The following ERCC2 variants were observed in gnomAD, a reference collection of about 807,000 sequenced individuals.
ERCC2 encodes general transcription and DNA repair factor IIH helicase subunit XPD.
ERCC2 carries 90 observed loss-of-function variants against 99.4 expected under a neutral mutation model. That is an observed-to-expected ratio of 0.91 (90% CI 0.76 to 1.08). The LOEUF (loss-of-function observed/expected upper bound fraction) is 1.08, where lower values mean the gene tolerates loss of function less well. Among genes scored for constraint, ERCC2 ranks in the 50% least tolerant of loss-of-function variants. The pLI, the probability that ERCC2 is intolerant of heterozygous loss-of-function variation, is 0.00. For missense variants in ERCC2, 993 were observed against 1,038.1 expected (o/e 0.96, Z 0.60); for synonymous variants, 497 against 432.4 (o/e 1.15, Z -1.85).
chr19:45,350,259 C>CAA lies in ERCC2; in HGVS notation c.*1368_*1369dup, dbSNP rs61513187. The CAA allele has an allele frequency of 1.6e-3, 1,354 of 872,076 alleles. No individual in the cohort carries two copies. Among genetic ancestry groups the CAA allele is most frequent in the Non-Finnish European group, 1.8e-3 (1,032 of 584,882 alleles). The allele number at this position is 872,076 out of a possible 1,614,324, so 54.0% of individuals were successfully genotyped here. On this transcript the variant is annotated 3_prime_UTR_variant, in exon 23 of 23. Coordinates refer to ENST00000391945, the MANE Select transcript of ERCC2 (RefSeq NM_000400.4). ...CAACATACCAAGACCCCTGTCTCTA[C>CAA]AAAAAAAAAAAAAAAGGCGGGACTG...
Position 45,355,659 on chromosome 19 carries a change from G to A in ERCC2, c.1543+6C>T, listed in dbSNP as rs1568534734. On this transcript the variant is annotated splice_donor_region_variant and intron_variant, in intron 16 of 22. Coordinates refer to ENST00000391945, the MANE Select transcript of ERCC2 (RefSeq NM_000400.4). The stretch of plus-strand genomic sequence containing the variant: ...CCCACAGAAACCAGCCCCACTGGCA[G>A]CATACCAATATCCTCCCGGGTCTCA... The A allele has an allele frequency of 6.2e-7, 1 of 1,613,508 alleles. No individual in the cohort carries two copies.
At chr19:45,363,182 T>G (rs942868098) in intron 11 of ERCC2, among the ~76,000 whole-genome samples, 1 of 152,142 alleles carries the variant, frequency 6.6e-6, no homozygotes, top group East Asian at 1.9e-4. Flanking sequence ...GCCCTGTGCC[T>G]CAAGAGACTG....
Position 45,357,648 on chromosome 19 carries a change from T to C in ERCC2, c.1289A>G (p.Asn430Ser), listed in dbSNP as rs1215155157. ...GTCCCACCTGAAGTGCAGGATGGGG[T>C]TGGCAATGGTCGGGGTTCTGTCGTC... is the stretch of plus-strand genomic sequence containing the variant. ...PFDDRTPTIA[N>S]PILHFSCMDA... Residue 430 changes from asparagine (N) to serine (S), a missense_variant, in exon 13 of 23, where the codon AAC (asparagine) becomes AGC (serine). Coordinates refer to ENST00000391945, the MANE Select transcript of ERCC2 (RefSeq NM_000400.4). 2.5e-6 allele frequency: 4 copies of C among 1,613,812 alleles called. No homozygotes were observed. The highest frequency in any genetic ancestry group is 1.1e-5 in the South Asian group (1 of 91,088).
intron 19 of ERCC2, 97 bp downstream of exon 19, chr19:45,352,986 G>C (rs1971871626): frequency 7.3e-7 from 1 of 1,372,038 alleles, no homozygotes; most frequent in Non-Finnish European, 1.0e-6. Flanking sequence ...CCTAGGCTGG[G>C]GGTGGGTGGT....
rs756758783 is a variant in ERCC2, at chr19:45,364,406, C to G, written c.718+18G>C. On this transcript the variant is annotated intron_variant, in intron 8 of 22. Coordinates refer to ENST00000391945, the MANE Select transcript of ERCC2 (RefSeq NM_000400.4). ...TCAGAGGGGCTGGCATCCCTTTGGC[C>G]CCTGGCGCCCCCCTCACCAATGTTG... 6.2e-7 allele frequency: 1 copy of G among 1,613,854 alleles called. No homozygotes were observed. The highest frequency in any genetic ancestry group is 1.3e-5 in the African/African-American group (1 of 75,052).
Position 45,363,843 on chromosome 19 carries a change from C to T in ERCC2, c.1018G>A (p.Val340Met), listed in dbSNP as rs1421106193. 5.2e-6 allele frequency: 8 copies of T among 1,548,506 alleles called. No individual in the cohort carries two copies. The highest frequency in any genetic ancestry group is 2.4e-5 in the South Asian group (2 of 85,044). Reference sequence around the variant, plus strand: ...TGCTGCACACGCAGCCGCCACTTCACGTACTCCAGCAGCCGCCTCAGGAAG... The same window carrying T: ...TGCTGCACACGCAGCCGCCACTTCATGTACTCCAGCAGCCGCCTCAGGAAG... Reference protein sequence around the residue: ...LGFLRRLLEYVKWRLRVQHVV... With the variant: ...LGFLRRLLEYMKWRLRVQHVV... The change falls in exon 11 of 23, where the codon GTG becomes ATG. Residue 340 changes from valine (V) to methionine (M), a missense_variant. Around this residue, in one of 3 missense-constraint regions of ERCC2, gnomAD observed 909 missense variants for 930.8 expected, o/e 0.98. Transcript: ENST00000391945.
In ERCC2 at chr19:45,369,156, T is replaced by C. The variant is rs368534550; in HGVS notation, c.106-9A>G. 6.2e-7 allele frequency: 1 copy of C among 1,613,402 alleles called. No individual in the cohort carries two copies. Among genetic ancestry groups the C allele is most frequent in the African/African-American group, 1.3e-5 (1 of 74,910 alleles). On this transcript the variant is annotated splice_polypyrimidine_tract_variant and intron_variant, in intron 2 of 22. Coordinates refer to ENST00000391945, the MANE Select transcript of ERCC2 (RefSeq NM_000400.4). ...TCCAGGACTCCATGACCCTGCATGT[T>C]GGGGACCAGAGGGGCAACACACAGG...
intron 5 of ERCC2, 77 bp from the exon 6 acceptor site, chr19:45,365,235 C>T: frequency 9.1e-7 from 1 of 1,103,180 alleles, no homozygotes; most frequent in Admixed American, 1.7e-5. Flanking sequence ...TCCACACCTC[C>T]CAGCTGGCTG....
chr19:45,350,961 A>G lies in ERCC2; in HGVS notation c.*668T>C, dbSNP rs1316902290. The G allele has an allele frequency of 6.2e-7, 1 of 1,614,006 alleles. No homozygotes were observed. Among genetic ancestry groups the G allele is most frequent in the African/African-American group, 1.3e-5 (1 of 74,886 alleles). The stretch of plus-strand genomic sequence containing the variant: ...CTGCTGCCCTCTTTGCAGAATGAAG[A>G]GAGCCATGTCACTCAACACACTGAA... On this transcript the variant is annotated 3_prime_UTR_variant, in exon 23 of 23. Coordinates refer to ENST00000391945, the MANE Select transcript of ERCC2 (RefSeq NM_000400.4).
At chr19:45,365,504 G>C (rs529959613) in intron 5 of ERCC2, among the ~76,000 whole-genome samples, 1 of 152,182 alleles carries the variant, frequency 6.6e-6, no homozygotes. Flanking sequence ...CCAGTTACTC[G>C]GGAGGCTGAG....
chr19:45,356,320 G>C (rs1428557087), intron 15 of ERCC2, among the ~76,000 whole-genome samples: 1 of 152,242 alleles, frequency 6.6e-6, no homozygotes, highest in East Asian at 1.9e-4. Context: ...TTCAAGTTTG[G>C]CACAAACTCA....
chr19:45,352,964 C>T, intron 19 of ERCC2, 119 bp downstream of exon 19: 2 of 1,247,086 alleles, frequency 1.6e-6, no homozygotes. Flanking sequence ...GAGGGGAGGG[C>T]CCCTCTGTGC....
At position 45,350,467 on chromosome 19, in the gene ERCC2, T is replaced by A. The variant is rs1356776910; in HGVS notation, c.*1162A>T. On this transcript the variant is annotated 3_prime_UTR_variant, in exon 23 of 23. Coordinates refer to ENST00000391945, the MANE Select transcript of ERCC2 (RefSeq NM_000400.4). ...AGCCCCTGTCTGTCTTCCCTCCTGG[T>A]GGCTTCTCTATGTCCCCATCTCAGT... 1 of 1,613,108 alleles carries A rather than the reference T, an allele frequency of 6.2e-7. No homozygotes were observed. Among genetic ancestry groups the A allele is most frequent in the South Asian group, 1.1e-5 (1 of 91,008 alleles).
chr19:45,350,732 C>T lies in ERCC2; in HGVS notation c.*897G>A, dbSNP rs752348371. The T allele has an allele frequency of 1.4e-4, 218 of 1,612,064 alleles. No individual in the cohort carries two copies. Among genetic ancestry groups the T allele is most frequent in the Admixed American group, 2.7e-4 (16 of 59,678 alleles). On this transcript the variant is annotated 3_prime_UTR_variant, in exon 23 of 23. Coordinates refer to ENST00000391945, the MANE Select transcript of ERCC2 (RefSeq NM_000400.4). ...GTCTCCCGGCTCCGAGGCGAGGCGGCGGCAGGAGCAGCCGGGTGAGTGTTG... is the reference window on the plus strand; with the variant it reads ...GTCTCCCGGCTCCGAGGCGAGGCGGTGGCAGGAGCAGCCGGGTGAGTGTTG...
In ERCC2 at chr19:45,351,340, G is replaced by C. The variant is rs750562902; in HGVS notation, c.*289C>G. 3 of 1,611,590 alleles carry C rather than the reference G, an allele frequency of 1.9e-6. No homozygotes were observed. Among genetic ancestry groups the C allele is most frequent in the East Asian group, 2.2e-5 (1 of 44,884 alleles). On this transcript the variant is annotated 3_prime_UTR_variant, in exon 23 of 23. Coordinates refer to ENST00000391945, the MANE Select transcript of ERCC2 (RefSeq NM_000400.4). ...TCGGACCCTCAGCGCCAGCACCCAG[G>C]ACCTGAGCCCCCACTAACGTCCAGT...
intron 4 of ERCC2, 53 bp downstream of exon 4, chr19:45,368,877 A>G: frequency 6.2e-7 from 1 of 1,600,832 alleles, no homozygotes; most frequent in South Asian, 1.1e-5. Flanking sequence ...CAGGGGGACC[A>G]ATAGGGCCTA....
intron 12 of ERCC2, chr19:45,358,884 C>T (rs1478209606): frequency 1.3e-6 from 1 of 780,560 alleles, no homozygotes; most frequent in Non-Finnish European, 2.4e-6. Flanking sequence ...TTTTTTGGTT[C>T]CTGCTGCTTC....
chr19:45,350,085 G>C lies in ERCC2; in HGVS notation c.*1544C>G. ...CGAGCTCCAAACCCACTCTGCCCCA[G>C]GGCAAGGCTTTAGGCAGGGGAAGGA... On this transcript the variant is annotated 3_prime_UTR_variant, in exon 23 of 23. Transcript: ENST00000391945. The C allele has an allele frequency of 1.9e-6, 1 of 519,524 alleles. No individual in the cohort carries two copies. The highest frequency in any genetic ancestry group is 2.3e-5 in the South Asian group (1 of 43,552). 32.2% of individuals were successfully genotyped at this position (519,524 alleles called of 1,614,324 possible). A position where few individuals can be genotyped will look rare whatever the true frequency, so the allele number is the denominator to read the frequency against.
At chr19:45,367,147 A>G (rs1013140806) in intron 5 of ERCC2, among the ~76,000 whole-genome samples, 2 of 152,108 alleles carry the variant, frequency 1.3e-5, no homozygotes, top group Non-Finnish European at 2.9e-5. Context: ...GACCAGCCTA[A>G]CCAACATGGT....
Sources: gnomAD v4.1 joint callset for allele counts (sites outside exome capture counted in the v4.1 genomes callset) on GRCh38, gnomAD v4.1.1 for gene constraint, gnomAD v4.1.1 regional missense constraint, MANE v1.5 for transcripts, NCBI Gene and HGNC (gene_info 2026-07-23, HGNC 2026-07-21) for gene names.